Variants in MAGI2 observed in about 807,000 individuals in gnomAD.
MAGI2 encodes the protein membrane associated guanylate kinase, WW and PDZ domain containing 2.
MAGI2 carries 35 observed loss-of-function variants against 133.3 expected under a neutral mutation model. The ratio of observed to expected loss-of-function variants is 0.26; its 90% CI spans 0.20 to 0.35. The LOEUF is 0.35. Ranked by LOEUF, MAGI2 falls within the 10% of genes least tolerant of loss-of-function variation. MAGI2 has a pLI of 1.00. For missense variants in MAGI2, 1,636 were observed against 1,863.4 expected (o/e 0.88, Z 2.25); for synonymous variants, 729 against 710.6 (o/e 1.03, Z -0.41).
intron 21 of MAGI2, among the ~76,000 whole-genome samples, chr7:78,025,711 G>A (rs1171668039): frequency 6.6e-6 from 1 of 152,170 alleles, no homozygotes; most frequent in African/African-American, 2.4e-5. Flanking sequence ...ATGTGAAGCG[G>A]GAGGGGAAAT....
chr7:78,889,085 C>T (rs1031658623), intron 2 of MAGI2, among the ~76,000 whole-genome samples: 2 of 152,142 alleles, frequency 1.3e-5, no homozygotes, highest in Non-Finnish European at 2.9e-5. Context: ...GACGAATGCA[C>T]TAGCCTCAGT....
At chr7:78,561,006 G>C (rs1271793193) in intron 3 of MAGI2, among the ~76,000 whole-genome samples, 1 of 152,144 alleles carries the variant, frequency 6.6e-6, no homozygotes, top group Non-Finnish European at 1.5e-5. Flanking sequence ...GGTGATCTTG[G>C]GTAGGTGTTG....
At chr7:78,083,387 G>GGAGAGGGAGAGA (rs1816232684) in intron 20 of MAGI2, among the ~76,000 whole-genome samples, 1 of 33,310 alleles carries the variant, frequency 3.0e-5, no homozygotes, top group African/African-American at 1.3e-4. Context: ...AGGGAGGGGG[G>GGAGAGGGAGAGA]GAGAGAGAGA....
At chr7:78,988,894 G>T (rs774323455) in intron 2 of MAGI2, among the ~76,000 whole-genome samples, 1 of 152,050 alleles carries the variant, frequency 6.6e-6, no homozygotes, top group Non-Finnish European at 1.5e-5. Context: ...GGCCAAGATA[G>T]ACAGATGATG....
In MAGI2 at chr7:78,903,280, G is replaced by A. The variant is rs531997888; in HGVS notation, c.418+103810C>T. On this transcript the variant is annotated intron_variant, in intron 2 of 21. Transcript: ENST00000354212. ...GCTGTCTTGGCTCACCGCAAGCTCC[G>A]CCTCCCGGGTTCACGCCATTCTCCT... Among the ~76,000 whole-genome samples, 487 of 133,908 alleles carry A rather than the reference G, an allele frequency of 3.6e-3. 1 individual carries two copies. The highest frequency in any genetic ancestry group is 0.012 in the African/African-American group (444 of 36,206). The allele number at this position is 133,908 out of a possible 152,430, so 87.8% of individuals were successfully genotyped here. A position where few individuals can be genotyped will look rare whatever the true frequency, so the allele number is the denominator to read the frequency against.
rs767682 is a variant in MAGI2 at position 78,135,274 on chromosome 7, C to A, written c.2846-68G>T. 0.86 allele frequency: 1,081,573 copies of A among 1,258,050 alleles called. 466,184 individuals carry two copies. The highest frequency in any genetic ancestry group is 0.88 in the Non-Finnish European group (766,141 of 874,994). The allele number at this position is 1,258,050 out of a possible 1,614,324, so 77.9% of individuals were successfully genotyped here. ...ATACATGTTCTTTCAGTCCCAGCCC[C>A]AAAGGAAACAATGAAATGTCAGAAT... On this transcript the variant is annotated intron_variant, in intron 16 of 21. Coordinates refer to ENST00000354212, the MANE Select transcript of MAGI2 (RefSeq NM_012301.4).
chr7:78,507,176 C>A (rs535079746), intron 4 of MAGI2, among the ~76,000 whole-genome samples: 1 of 152,066 alleles, frequency 6.6e-6, no homozygotes, highest in Non-Finnish European at 1.5e-5. Flanking sequence ...ATAAGTAGCA[C>A]CTACCTCTCC....
chr7:78,892,717 CA>C (rs1181971539), intron 2 of MAGI2, among the ~76,000 whole-genome samples: 4 of 152,276 alleles, frequency 2.6e-5, no homozygotes, highest in African/African-American at 4.8e-5. Context: ...ACACCTTACA[CA>C]AAAATTAATT....
rs546809653 is a variant in MAGI2 at position 79,426,642 on chromosome 7, C to T, written c.301+26378G>A. On this transcript the variant is annotated intron_variant, in intron 1 of 21. Coordinates refer to ENST00000354212, the MANE Select transcript of MAGI2 (RefSeq NM_012301.4). ...TCAAAGAACATTGGGCATTTATATC[C>T]TATCTCTACAAATATGTCAAATTAA... Among the ~76,000 whole-genome samples, 18 of 152,218 alleles carry T rather than the reference C, an allele frequency of 1.2e-4. No individual in the cohort carries two copies. The East Asian group carries it at 3.1e-3, about 26-fold the overall frequency.
chr7:79,018,859 C>T (rs1809006951), intron 1 of MAGI2, among the ~76,000 whole-genome samples: 1 of 152,164 alleles, frequency 6.6e-6, no homozygotes, highest in African/African-American at 2.4e-5. Context: ...AATATATACA[C>T]ACAGAGCACA....
intron 2 of MAGI2, among the ~76,000 whole-genome samples, chr7:78,682,657 A>T (rs1391617981): frequency 6.6e-6 from 1 of 152,066 alleles, no homozygotes; most frequent in Non-Finnish European, 1.5e-5. Flanking sequence ...AGTCTTTGCT[A>T]TTGTGAGCAG....
intron 2 of MAGI2, among the ~76,000 whole-genome samples, chr7:78,846,429 T>A (rs2151472579): frequency 6.6e-6 from 1 of 152,068 alleles, no homozygotes; most frequent in South Asian, 2.1e-4. Flanking sequence ...GCAAACAGTG[T>A]GGCTGTCTTC....
intron 1 of MAGI2, among the ~76,000 whole-genome samples, chr7:79,236,406 G>T (rs527280862): frequency 6.6e-6 from 1 of 152,278 alleles, no homozygotes; most frequent in South Asian, 2.1e-4. Flanking sequence ...TTAGCATGAG[G>T]GATTGGAACT....
chr7:79,425,580 A>T (rs200492842), intron 1 of MAGI2, among the ~76,000 whole-genome samples: 17 of 52,820 alleles, frequency 3.2e-4, no homozygotes, highest in African/African-American at 1.3e-3. Flanking sequence ...TAAGGGTTTT[A>T]TATATATATA....
intron 1 of MAGI2, among the ~76,000 whole-genome samples, chr7:79,345,185 C>G (rs1841219503): frequency 6.6e-6 from 1 of 152,094 alleles, no homozygotes; most frequent in Non-Finnish European, 1.5e-5. Context: ...GTAGGGTATG[C>G]CCCAATCCAA....
intron 1 of MAGI2, among the ~76,000 whole-genome samples, chr7:79,363,506 T>C (rs1468549256): frequency 1.3e-5 from 2 of 150,886 alleles, no homozygotes; most frequent in Admixed American, 1.3e-4. Context: ...CCAAAATAGC[T>C]AAAGTGATTT....
intron 1 of MAGI2, chr7:79,139,942 T>C (rs1294305366): frequency 6.6e-6 from 1 of 152,190 alleles, no homozygotes; most frequent in Non-Finnish European, 1.5e-5. Flanking sequence ...ATTTCAGTAA[T>C]ATGTGTGAAC....
intron 20 of MAGI2, among the ~76,000 whole-genome samples, chr7:78,094,800 A>T (rs1386936164): frequency 6.6e-6 from 1 of 152,156 alleles, no homozygotes; most frequent in African/African-American, 2.4e-5. Flanking sequence ...TTTTTTCAAC[A>T]TTTTAATCTA....
At chr7:78,719,011 T>A (rs1819996123) in intron 2 of MAGI2, among the ~76,000 whole-genome samples, 1 of 152,192 alleles carries the variant, frequency 6.6e-6, no homozygotes, top group Non-Finnish European at 1.5e-5. Flanking sequence ...GGTTTGTGTG[T>A]ATGTATTGAA....
Sources: gnomAD v4.1 joint callset for allele counts (sites outside exome capture counted in the v4.1 genomes callset) on GRCh38, gnomAD v4.1.1 for gene constraint, MANE v1.5 for transcripts, NCBI Gene and HGNC (gene_info 2026-07-23, HGNC 2026-07-21) for gene names.